The following CNTN5 variants were observed in gnomAD, a reference collection of about 807,000 sequenced individuals.
CNTN5 encodes the protein contactin-5.
CNTN5 carries 77 observed loss-of-function variants against 129.1 expected under a neutral mutation model. The ratio of observed to expected loss-of-function variants is 0.60; its 90% CI spans 0.50 to 0.72. The LOEUF is 0.72. Among genes scored for constraint, CNTN5 ranks in the 30% least tolerant of loss-of-function variants. The pLI, the probability that CNTN5 is intolerant of heterozygous loss-of-function variation, is 0.00. For synonymous variants in CNTN5, 509 were observed against 465.6 expected (o/e 1.09, Z -1.20); for missense variants, 1,478 against 1,328.8 (o/e 1.11, Z -1.75).
At position 100,357,419 on chromosome 11, in the gene CNTN5, T is replaced by C. The variant is rs1565449847; in HGVS notation, c.*1199T>C. 1 of 151,716 alleles carries C rather than the reference T, an allele frequency of 6.6e-6. No individual in the cohort carries two copies. 9.4% of individuals were successfully genotyped at this position (151,716 alleles called of 1,614,324 possible). ...ATTCTGTGGCTTGGGAAGTAATCCT[T>C]ATTTGCTATTTCAAAGAGTCATCTT... On this transcript the variant is annotated 3_prime_UTR_variant, in exon 25 of 25. Transcript: ENST00000524871.
chr11:99,349,579 T>C (rs1011343107), intron 2 of CNTN5, among the ~76,000 whole-genome samples: 11 of 152,342 alleles, frequency 7.2e-5, no homozygotes, highest in Admixed American at 7.2e-4. Flanking sequence ...AAATACACCA[T>C]GGTGTAATGG....
chr11:99,757,065 G>A (rs1320758211), intron 3 of CNTN5, among the ~76,000 whole-genome samples: 2 of 151,960 alleles, frequency 1.3e-5, no homozygotes, highest in Non-Finnish European at 2.9e-5. Context: ...CAAACCAGAT[G>A]AGTTAAAAAG....
intron 2 of CNTN5, among the ~76,000 whole-genome samples, chr11:99,345,307 TC>T (rs1275246912): frequency 6.6e-6 from 1 of 152,184 alleles, no homozygotes; most frequent in Non-Finnish European, 1.5e-5. Context: ...GGGGATATAA[TC>T]TTTTTAGTGA....
chr11:99,264,924 T>C (rs1405108685), intron 1 of CNTN5, among the ~76,000 whole-genome samples: 1 of 152,080 alleles, frequency 6.6e-6, no homozygotes, highest in Non-Finnish European at 1.5e-5. Context: ...TATCAGCTAA[T>C]TTTATGTTTT....
At chr11:100,054,013 G>A (rs1336768890) in intron 9 of CNTN5, among the ~76,000 whole-genome samples, 1 of 151,728 alleles carries the variant, frequency 6.6e-6, no homozygotes, top group Non-Finnish European at 1.5e-5. Flanking sequence ...TGGTGAAAGT[G>A]TTCCTAAATT....
chr11:99,764,996 C>G (rs922142218), intron 3 of CNTN5, among the ~76,000 whole-genome samples: 2 of 152,144 alleles, frequency 1.3e-5, no homozygotes, highest in Middle Eastern at 6.8e-3. Context: ...TCTACTGTAT[C>G]AACAATTTTC....
At chr11:99,767,405 A>G (rs1449063406) in intron 3 of CNTN5, among the ~76,000 whole-genome samples, 3 of 152,104 alleles carry the variant, frequency 2.0e-5, no homozygotes, top group African/African-American at 4.8e-5. Flanking sequence ...ACTCAAAAAG[A>G]AAGCTGGTGT....
chr11:99,788,441 G>A (rs909261597), intron 3 of CNTN5, among the ~76,000 whole-genome samples: 1 of 151,890 alleles, frequency 6.6e-6, no homozygotes, highest in African/African-American at 2.4e-5. Flanking sequence ...TATACCTATA[G>A]AAACATCTCA....
chr11:99,472,721 T>G (rs1474010560), intron 2 of CNTN5, among the ~76,000 whole-genome samples: 2 of 152,174 alleles, frequency 1.3e-5, no homozygotes, highest in Non-Finnish European at 2.9e-5. Flanking sequence ...CAGGCTGAAG[T>G]GCAGTGGTAT....
At chr11:100,241,915 CAT>C (rs1486081748) in intron 16 of CNTN5, among the ~76,000 whole-genome samples, 1 of 152,146 alleles carries the variant, frequency 6.6e-6, no homozygotes, top group Non-Finnish European at 1.5e-5. Context: ...AAAAAATACT[CAT>C]ATGTTTTTAA....
intron 3 of CNTN5, among the ~76,000 whole-genome samples, chr11:99,781,953 C>T (rs1402891015): frequency 6.6e-6 from 1 of 151,818 alleles, no homozygotes; most frequent in Non-Finnish European, 1.5e-5. Flanking sequence ...TCCTATTCAA[C>T]ATAGTGTTGG....
intron 12 of CNTN5, 129 bp downstream of exon 12, chr11:100,071,963 T>C (rs1326360273): frequency 4.7e-6 from 4 of 851,940 alleles, no homozygotes; most frequent in Admixed American, 3.4e-5. Flanking sequence ...AGAAATACTA[T>C]GTCTTGCTGA....
intron 3 of CNTN5, among the ~76,000 whole-genome samples, chr11:99,566,799 G>T (rs541814141): frequency 2.0e-5 from 3 of 152,264 alleles, no homozygotes; most frequent in Non-Finnish European, 2.9e-5. Flanking sequence ...TTTATTCTTA[G>T]AATAGGCTGG....
intron 9 of CNTN5, among the ~76,000 whole-genome samples, chr11:100,037,965 C>T (rs1012939137): frequency 6.6e-6 from 1 of 152,080 alleles, no homozygotes; most frequent in East Asian, 1.9e-4. Context: ...GTCTCTATTT[C>T]CTTCAGTTCT....
chr11:99,118,605 A>C (rs938110799), intron 1 of CNTN5, among the ~76,000 whole-genome samples: 1 of 152,120 alleles, frequency 6.6e-6, no homozygotes, highest in Non-Finnish European at 1.5e-5. Flanking sequence ...TTTATTGAAA[A>C]AAATGTATTA....
At chr11:99,310,511 C>A (rs1210793145) in intron 1 of CNTN5, among the ~76,000 whole-genome samples, 1 of 151,824 alleles carries the variant, frequency 6.6e-6, no homozygotes, top group Non-Finnish European at 1.5e-5. Flanking sequence ...ACCTTTTTGC[C>A]CTTCTTTACC....
intron 3 of CNTN5, among the ~76,000 whole-genome samples, chr11:99,654,248 G>T (rs1315816235): frequency 1.3e-5 from 2 of 152,064 alleles, no homozygotes; most frequent in African/African-American, 4.8e-5. Flanking sequence ...TATTAGAATT[G>T]TTTAATTTAT....
chr11:99,658,276 G>T (rs1460126939), intron 3 of CNTN5, among the ~76,000 whole-genome samples: 1 of 151,974 alleles, frequency 6.6e-6, no homozygotes, highest in Non-Finnish European at 1.5e-5. Context: ...ATTATCTACT[G>T]CAAAACTTTT....
At chr11:99,804,419 T>G (rs1946205980) in intron 3 of CNTN5, among the ~76,000 whole-genome samples, 1 of 151,984 alleles carries the variant, frequency 6.6e-6, no homozygotes, top group African/African-American at 2.4e-5. Flanking sequence ...TAAACCATTT[T>G]ACTCTTCAAA....
Sources: allele counts gnomAD v4.1 joint callset (sites outside exome capture counted in the v4.1 genomes callset), GRCh38; gene constraint gnomAD v4.1.1; transcripts MANE v1.5; gene names NCBI Gene and HGNC (gene_info 2026-07-23, HGNC 2026-07-21).